Variants in ENTR1 observed in about 807,000 individuals in gnomAD.
The protein encoded by ENTR1 is endosome-associated-trafficking regulator 1.
Under a neutral mutation model 47.9 loss-of-function variants are expected in ENTR1, and 47 were observed. The observed-to-expected ratio is 0.98, with a 90% CI of 0.78 to 1.25. The LOEUF (loss-of-function observed/expected upper bound fraction) is 1.25. Ranked by LOEUF, ENTR1 falls within the 50% of genes most tolerant of loss-of-function variation. ENTR1 has a pLI of 0.00. For synonymous variants in ENTR1, 290 were observed against 245.8 expected, an observed-to-expected ratio of 1.18 and a Z score of -1.68; for missense variants, 668 against 570.5, an observed-to-expected ratio of 1.17 and a Z score of -1.74.
chr9:136,408,095 G>C (rs1834869764), intron 3 of ENTR1, 157 bp from the exon 4 acceptor site: 1 of 598,954 alleles, frequency 1.7e-6, no homozygotes, highest in Non-Finnish European at 3.0e-6. Context: ...GAAGTGTGAA[G>C]GTGGCTGAAG....
chr9:136,407,302 A>C lies in ENTR1; in HGVS notation c.662T>G (p.Leu221Arg). 6.2e-7 allele frequency: 1 copy of C among 1,612,286 alleles called. No homozygotes were observed. The highest frequency in any genetic ancestry group is 1.3e-5 in the African/African-American group (1 of 75,040). Residue 221 changes from leucine (L) to arginine (R), a missense_variant, in exon 5 of 10, where the codon CTG (leucine) becomes CGG (arginine). Leu to Arg is a moderately radical substitution (Grantham distance 102). Coordinates refer to ENST00000357365, the MANE Select transcript of ENTR1 (RefSeq NM_001039707.2). Reference sequence around the variant, plus strand: ...CGAGGGCAGAGACTCAGGCCCTGCCAGCTCCGACGGGGTGGAGAAAAAGGA... The same window carrying C: ...CGAGGGCAGAGACTCAGGCCCTGCCCGCTCCGACGGGGTGGAGAAAAAGGA... ...YLSFFSTPSE[L>R]AGPESLPSWA... is the part of the protein sequence containing the mutation.
rs573422232 is a variant in ENTR1 at position 136,407,948 on chromosome 9, C to T, written c.290-10G>A. The stretch of plus-strand genomic sequence containing the variant: ...TCTTCAAATCTGTCATCTGAAATAA[C>T]AGACATCACAAATGCATAAAGTCTA... On this transcript the variant is annotated splice_polypyrimidine_tract_variant and intron_variant, in intron 3 of 9. Transcript: ENST00000357365. 2.0e-6 allele frequency: 3 copies of T among 1,536,148 alleles called. No individual in the cohort carries two copies. The highest frequency in any genetic ancestry group is 1.4e-5 in the African/African-American group (1 of 73,498).
At chr9:136,403,937 G>T in intron 9 of ENTR1, 118 bp downstream of exon 9, 1 of 1,254,316 alleles carries the variant, frequency 8.0e-7, no homozygotes, top group Non-Finnish European at 1.1e-6. Flanking sequence ...CCTCCCTGCA[G>T]CTCCCTGGTC....
At chr9:136,408,891 T>C in intron 3 of ENTR1, 108 bp downstream of exon 3, 1 of 822,686 alleles carries the variant, frequency 1.2e-6, no homozygotes, top group South Asian at 1.4e-5. Flanking sequence ...CCTGCTCTTT[T>C]GGGCTCCAGC....
chr9:136,401,990 A>T lies in ENTR1; in HGVS notation c.*798T>A, dbSNP rs1278740344. The T allele has an allele frequency of 6.6e-6, 1 of 152,412 alleles. No individual in the cohort carries two copies. The highest frequency in any genetic ancestry group is 1.5e-5 in the Non-Finnish European group (1 of 68,052). 9.4% of individuals were successfully genotyped at this position (152,412 alleles called of 1,614,324 possible). Reference sequence around the variant, plus strand: ...GGAACAGGAGGAAAAAAAAGTTTTAAAAAAAATCTATAGGAAAATAGTCAA... The same window carrying T: ...GGAACAGGAGGAAAAAAAAGTTTTATAAAAAATCTATAGGAAAATAGTCAA... On this transcript the variant is annotated 3_prime_UTR_variant, in exon 10 of 10. Transcript: ENST00000357365.
At chr9:136,409,923 A>C in intron 2 of ENTR1, 167 bp downstream of exon 2, 1 of 846,538 alleles carries the variant, frequency 1.2e-6, no homozygotes, top group South Asian at 1.4e-5. Flanking sequence ...CCGCAACCAG[A>C]CTGTGAGCTC....
In ENTR1 at chr9:136,407,126, C is replaced by T. The variant is rs908392221; in HGVS notation, c.819+19G>A. ...CTCGGACAGGCGCTGTGCCAGAGGG[C>T]GCCGTGAGGCTCACTTACTGCGTCG... On this transcript the variant is annotated intron_variant, in intron 5 of 9. Coordinates refer to ENST00000357365, the MANE Select transcript of ENTR1 (RefSeq NM_001039707.2). The T allele has an allele frequency of 7.0e-6, 11 of 1,567,136 alleles. No homozygotes were observed. The highest frequency in any genetic ancestry group is 1.2e-5 in the South Asian group (1 of 84,712).
chr9:136,407,814 C>T lies in ENTR1; in HGVS notation c.402+12G>A. 3 of 1,585,812 alleles carry T rather than the reference C, an allele frequency of 1.9e-6. No homozygotes were observed. ...TCCCACAGAGCCATCGCCCACAGTG[C>T]CGTGGATTTACCTTTGCATAAATTC... On this transcript the variant is annotated intron_variant, in intron 4 of 9. Transcript: ENST00000357365.
In ENTR1 at chr9:136,407,218, C is replaced by CT. The variant is rs2131559203; in HGVS notation, c.745dup (p.Ser249LysfsTer29). 2.5e-6 allele frequency: 4 copies of CT among 1,613,188 alleles called. No homozygotes were observed. The highest frequency in any genetic ancestry group is 4.5e-5 in the East Asian group (2 of 44,880). ...CTCTCCATGAACCGCAAAGTCTGCGCTAGGACTCCCTGCCGGAGAGGCCGG... is the reference window on the plus strand; with the variant it reads ...CTCTCCATGAACCGCAAAGTCTGCGCTTAGGACTCCCTGCCGGAGAGGCCGG... On this transcript the variant is annotated frameshift_variant, in exon 5 of 10. Coordinates refer to ENST00000357365, the MANE Select transcript of ENTR1 (RefSeq NM_001039707.2). LOFTEE classifies it high-confidence loss of function.
chr9:136,407,254 G>C lies in ENTR1; in HGVS notation c.710C>G (p.Ser237Cys). ...TGCCGGAGAGGCCGGAGACACGCGA[G>C]AATCAGTGTCACTCAACGCCCACGA... ...LPSWALSDTD[S>C]RVSPASPAGS... The change falls in exon 5 of 10, where the codon TCT becomes TGT. Residue 237 changes from serine (S) to cysteine (C), a missense_variant. Coordinates refer to ENST00000357365, the MANE Select transcript of ENTR1 (RefSeq NM_001039707.2). 3.1e-6 allele frequency: 5 copies of C among 1,613,124 alleles called. No individual in the cohort carries two copies. The highest frequency in any genetic ancestry group is 1.1e-5 in the South Asian group (1 of 91,060).
In ENTR1 at chr9:136,405,123, G is replaced by C. The variant is rs1834701487; in HGVS notation, c.973C>G (p.Gln325Glu). The change falls in exon 7 of 10, where the codon CAG (glutamine) becomes GAG (glutamate). Residue 325 changes from glutamine (Q) to glutamate (E), a missense_variant. By Grantham distance (29) the Gln-to-Glu change is conservative (BLOSUM62 2). Coordinates refer to ENST00000357365, the MANE Select transcript of ENTR1 (RefSeq NM_001039707.2). ...AGCTCCAGGTTCTGCTCCACCTGCTGAACCACCGACTCCAGGTCGTGGTAG... is the reference window on the plus strand; with the variant it reads ...AGCTCCAGGTTCTGCTCCACCTGCTCAACCACCGACTCCAGGTCGTGGTAG... ...SDYHDLESVV[Q>E]QVEQNLELMT... The C allele has an allele frequency of 6.2e-7, 1 of 1,613,774 alleles. No homozygotes were observed. The highest frequency in any genetic ancestry group is 8.5e-7 in the Non-Finnish European group (1 of 1,179,818).
chr9:136,406,791 T>A (rs1045133389), intron 5 of ENTR1, among the ~76,000 whole-genome samples: 1 of 152,174 alleles, frequency 6.6e-6, no homozygotes, highest in Non-Finnish European at 1.5e-5. Flanking sequence ...AATTTTTTTT[T>A]TTATTCAGAG....
At position 136,410,086 on chromosome 9, in the gene ENTR1, T is replaced by C. The variant is rs766827592; in HGVS notation, c.220+4A>G. ...TCCCCGGGGCCGGCGCCCTCGTCTC[T>C]CACCTGTGTCTCCCACGGAAGCCAG... On this transcript the variant is annotated splice_donor_region_variant and intron_variant, in intron 2 of 9. Coordinates refer to ENST00000357365, the MANE Select transcript of ENTR1 (RefSeq NM_001039707.2). 6.2e-7 allele frequency: 1 copy of C among 1,612,412 alleles called. No individual in the cohort carries two copies. Among genetic ancestry groups the C allele is most frequent in the Non-Finnish European group, 8.5e-7 (1 of 1,179,884 alleles).
At chr9:136,404,572 A>T in intron 8 of ENTR1, 59 bp downstream of exon 8, 2 of 1,563,026 alleles carry the variant, frequency 1.3e-6, no homozygotes, top group South Asian at 1.1e-5. Context: ...TTTCTTACTG[A>T]ATTCATTATG....
intron 3 of ENTR1, 77 bp from the exon 4 acceptor site, chr9:136,408,015 T>C (rs1834866699): frequency 1.1e-6 from 1 of 931,598 alleles, no homozygotes; most frequent in Admixed American, 1.8e-5. Flanking sequence ...CACCTGTCTT[T>C]CCAGAGCATG....
intron 4 of ENTR1, 94 bp from the exon 5 acceptor site, chr9:136,407,655 G>A (rs927055265): frequency 1.4e-6 from 2 of 1,469,694 alleles, no homozygotes; most frequent in Non-Finnish European, 1.8e-6. Context: ...CAAGAAGAAA[G>A]GCCCAATCTC....
chr9:136,406,581 A>C (rs1834775367), intron 5 of ENTR1, among the ~76,000 whole-genome samples: 1 of 151,792 alleles, frequency 6.6e-6, no homozygotes, highest in African/African-American at 2.4e-5. Context: ...GGTTCAAGCG[A>C]TTCTCCTGCC....
At chr9:136,403,730 TCAG>T (rs1286772316) in intron 9 of ENTR1, among the ~76,000 whole-genome samples, 1 of 152,116 alleles carries the variant, frequency 6.6e-6, no homozygotes, top group African/African-American at 2.4e-5. Flanking sequence ...AGTGGCTTTT[TCAG>T]CAGGAGGGAA....
rs200125316 is a variant in ENTR1 at position 136,410,201 on chromosome 9, G to C, written c.109C>G (p.Leu37Val). ...FYERRSCLPQ[L>V]NCERPHGRDL... ...CTGCCATGGGGGCGCTCACAATTTA[G>C]CTGGGGGAGACAAGACCGGCGCTCA... The change falls in exon 2 of 10, where the codon CTA becomes GTA. Residue 37 changes from leucine to valine, a missense_variant. Transcript: ENST00000357365. The C allele has an allele frequency of 2.0e-4, 320 of 1,601,298 alleles. No homozygotes were observed. Among genetic ancestry groups the C allele is most frequent in the South Asian group, 7.7e-4 (69 of 89,438 alleles).
Sources: allele counts gnomAD v4.1 joint callset (sites outside exome capture counted in the v4.1 genomes callset), GRCh38; gene constraint gnomAD v4.1.1; transcripts MANE v1.5; gene names NCBI Gene and HGNC (gene_info 2026-07-23, HGNC 2026-07-21).